MIA2: variants seen among roughly 807,000 people sequenced by gnomAD.
MIA2 encodes melanoma inhibitory activity protein 2.
A neutral mutation model predicts 167.8 loss-of-function variants in MIA2; 127 were observed. The observed-to-expected ratio is 0.76, with a 90% CI of 0.66 to 0.88. The LOEUF is 0.88. Among genes scored for constraint, MIA2 ranks in the 40% least tolerant of loss-of-function variants. The pLI, the probability that MIA2 is intolerant of heterozygous loss-of-function variation, is 0.00. For missense variants in MIA2, 1,690 were observed against 1,624.7 expected, an observed-to-expected ratio of 1.04 and a Z score of -0.69; for synonymous variants, 552 against 541.9, an observed-to-expected ratio of 1.02 and a Z score of -0.26.
chr14:39,268,951 A>G (rs916523328), intron 6 of MIA2: 1 of 927,728 alleles, frequency 1.1e-6, no homozygotes, highest in Non-Finnish European at 1.3e-6. Context: ...AAAAACAATA[A>G]TAATCAAGAT....
At position 39,313,461 on chromosome 14, in the gene MIA2, G is replaced by A; in HGVS notation, c.3119+20G>A. On this transcript the variant is annotated intron_variant, in intron 19 of 28. Coordinates refer to ENST00000640607, the MANE Select transcript of MIA2 (RefSeq NM_001329214.4). ...CTATAGGTATTAAATACATTTTTCT[G>A]GTTTCTTTTTTGGAATGGGAAGAGT... The A allele has an allele frequency of 7.0e-7, 1 of 1,434,906 alleles. No individual in the cohort carries two copies. Among genetic ancestry groups the A allele is most frequent in the Non-Finnish European group, 9.4e-7 (1 of 1,062,608 alleles). 88.9% of individuals were successfully genotyped at this position (1,434,906 alleles called of 1,614,324 possible).
intron 9 of MIA2, among the ~76,000 whole-genome samples, chr14:39,281,409 T>C (rs537295800): frequency 2.0e-5 from 3 of 152,270 alleles, no homozygotes; most frequent in Admixed American, 2.0e-4. Flanking sequence ...CTAGACATAA[T>C]CTTCTTTAAC....
chr14:39,272,032 A>G (rs1480588125), intron 6 of MIA2, among the ~76,000 whole-genome samples: 1 of 151,950 alleles, frequency 6.6e-6, no homozygotes, highest in Non-Finnish European at 1.5e-5. Flanking sequence ...CAAAGACACC[A>G]CTTAGAGGTG....
intron 2 of MIA2, among the ~76,000 whole-genome samples, chr14:39,237,634 G>T (rs894711764): frequency 6.6e-6 from 1 of 152,130 alleles, no homozygotes; most frequent in Admixed American, 6.6e-5. Flanking sequence ...TACATAGCAT[G>T]CATTGTTTTT....
chr14:39,376,463 A>G lies in MIA2; in HGVS notation c.2249-10422A>G, dbSNP rs573929046. Among the ~76,000 whole-genome samples, 3 of 152,220 alleles carry G rather than the reference A, an allele frequency of 2.0e-5. No individual in the cohort carries two copies. The South Asian group carries it at 6.2e-4, about 32-fold the overall frequency. ...AAGATAGCTCTATCATTTAAAAATT[A>G]TGTTTAATATCAGTAGGTTTAATAT... is the stretch of plus-strand genomic sequence containing the variant. On this transcript the variant is annotated intron_variant, in intron 23 of 23. Transcript: ENST00000341502.
At chr14:39,323,856 A>T (rs951124598) in intron 24 of MIA2, among the ~76,000 whole-genome samples, 1 of 152,210 alleles carries the variant, frequency 6.6e-6, no homozygotes, top group Non-Finnish European at 1.5e-5. Context: ...TAATTTAAAG[A>T]TACAGTGTGT....
At chr14:39,283,914 CTGATA>C (rs775308062) in intron 9 of MIA2, among the ~76,000 whole-genome samples, 12 of 152,100 alleles carry the variant, frequency 7.9e-5, no homozygotes, top group African/African-American at 1.2e-4. Context: ...AACCCCTTAT[CTGATA>C]TATTTTTTCT....
At chr14:39,269,187 G>A in intron 6 of MIA2, 2 of 462,362 alleles carry the variant, frequency 4.3e-6, no homozygotes, top group Non-Finnish European at 5.5e-6. Context: ...AAATTATTTT[G>A]TATTGAGATA....
intron 9 of MIA2, among the ~76,000 whole-genome samples, chr14:39,288,540 T>A (rs2060268994): frequency 7.0e-6 from 1 of 143,708 alleles, no homozygotes; most frequent in Non-Finnish European, 1.5e-5. Flanking sequence ...AATGGTGTGA[T>A]CTCAGCACAC....
chr14:39,364,304 G>T (rs2074767445), intron 23 of MIA2, among the ~76,000 whole-genome samples: 1 of 151,962 alleles, frequency 6.6e-6, no homozygotes, highest in Non-Finnish European at 1.5e-5. Context: ...GTTGCAGTGA[G>T]CTGATATCAT....
intron 7 of MIA2, among the ~76,000 whole-genome samples, chr14:39,277,734 A>T (rs1235694760): frequency 2.5e-3 from 11 of 4,344 alleles, no homozygotes; most frequent in East Asian, 0.015. Flanking sequence ...ATATATATAT[A>T]TATATATATG....
chr14:39,248,164 T>A, intron 4 of MIA2, 23 bp downstream of exon 4: 1 of 1,299,368 alleles, frequency 7.7e-7, no homozygotes, highest in Non-Finnish European at 1.0e-6. Flanking sequence ...ATATTTACAT[T>A]AGAATTTATT....
chr14:39,290,006 C>A (rs760810087), intron 9 of MIA2, among the ~76,000 whole-genome samples: 2 of 152,154 alleles, frequency 1.3e-5, no homozygotes, highest in Non-Finnish European at 1.5e-5. Flanking sequence ...ATTGGGCCCA[C>A]CAAAATAATT....
At chr14:39,301,587 G>A (rs1452198394) in intron 14 of MIA2, among the ~76,000 whole-genome samples, 1 of 152,142 alleles carries the variant, frequency 6.6e-6, no homozygotes, top group Non-Finnish European at 1.5e-5. Context: ...TACATGACAC[G>A]TCATTTGATT....
At chr14:39,312,650 A>T (rs950344705) in intron 18 of MIA2, among the ~76,000 whole-genome samples, 19 of 151,878 alleles carry the variant, frequency 1.3e-4, no homozygotes, top group African/African-American at 4.6e-4. Context: ...TATGAGCTCT[A>T]GGCTTTGGTT....
At chr14:39,271,263 T>G (rs1198869421) in intron 6 of MIA2, among the ~76,000 whole-genome samples, 2 of 152,210 alleles carry the variant, frequency 1.3e-5, no homozygotes, top group African/African-American at 4.8e-5. Context: ...TGAAAATAAT[T>G]TACCATAAAT....
intron 11 of MIA2, among the ~76,000 whole-genome samples, chr14:39,293,597 C>T (rs1291219992): frequency 6.6e-6 from 1 of 152,042 alleles, no homozygotes; most frequent in Non-Finnish European, 1.5e-5. Context: ...TTTCTATATG[C>T]ACTATGGAAG....
intron 6 of MIA2, among the ~76,000 whole-genome samples, chr14:39,270,712 G>T (rs1047216517): frequency 6.6e-6 from 1 of 152,002 alleles, no homozygotes; most frequent in South Asian, 2.1e-4. Context: ...GTTTTGATTT[G>T]TATTTTCCTA....
At chr14:39,366,336 G>C (rs1329787988) in intron 23 of MIA2, among the ~76,000 whole-genome samples, 1 of 152,202 alleles carries the variant, frequency 6.6e-6, no homozygotes, top group African/African-American at 2.4e-5. Context: ...GGTGCTGGTA[G>C]TTGCATTGGT....
Sources: gnomAD v4.1 joint callset for allele counts (sites outside exome capture counted in the v4.1 genomes callset) on GRCh38, gnomAD v4.1.1 for gene constraint, MANE v1.5 for transcripts, NCBI Gene and HGNC (gene_info 2026-07-23, HGNC 2026-07-21) for gene names.